The following ABCA12 variants were observed in gnomAD, a reference collection of about 807,000 sequenced individuals.
The protein encoded by ABCA12 is ATP binding cassette subfamily A member 12, also known as glucosylceramide transporter ABCA12.
ABCA12 carries 156 observed loss-of-function variants against 293.5 expected under a neutral mutation model. The ratio of observed to expected loss-of-function variants is 0.53; its 90% confidence interval spans 0.47 to 0.61. The LOEUF (loss-of-function observed/expected upper bound fraction) is 0.61. Ranked by LOEUF, ABCA12 falls within the 20% of genes least tolerant of loss-of-function variation. The pLI is 0.00. For missense variants in ABCA12, 2,797 were observed against 3,090.2 expected (o/e 0.91, Z 2.25); for synonymous variants, 1,063 against 1,108.0 (o/e 0.96, Z 0.81).
At chr2:215,131,699 A>ATCTT (rs1170990427) in intron 1 of ABCA12, among the ~76,000 whole-genome samples, 1 of 38,626 alleles carries the variant, frequency 2.6e-5, no homozygotes, top group African/African-American at 9.9e-5. Context: ...GATCCTTTCT[A>ATCTT]TTGTTTTTTT....
intron 7 of ABCA12, chr2:215,042,200 G>A (rs545142302): frequency 6.6e-5 from 10 of 152,220 alleles, no homozygotes; most frequent in African/African-American, 2.4e-4. Flanking sequence ...TAAGTCAAAT[G>A]TCATTTGCTT....
intron 2 of ABCA12, among the ~76,000 whole-genome samples, chr2:215,064,845 G>A (rs1391550559): frequency 6.6e-6 from 1 of 151,778 alleles, no homozygotes; most frequent in Non-Finnish European, 1.5e-5. Context: ...TATTAACTGT[G>A]TTTTATCACA....
chr2:214,974,210 T>G (rs982089939), intron 35 of ABCA12, among the ~76,000 whole-genome samples, 168 bp from the exon 36 acceptor site: 2 of 152,218 alleles, frequency 1.3e-5, no homozygotes, highest in Non-Finnish European at 2.9e-5. Flanking sequence ...TTCCAAATGA[T>G]TTGACGTTTT....
At position 214,982,188 on chromosome 2, in the gene ABCA12, A is replaced by C. The variant is rs1388051003; in HGVS notation, c.4578T>G (p.Thr1526=). 6.2e-7 allele frequency: 1 copy of C among 1,613,766 alleles called. No homozygotes were observed. Among genetic ancestry groups the C allele is most frequent in the Non-Finnish European group, 8.5e-7 (1 of 1,179,856 alleles). Residue 1526 remains threonine, a splice_region_variant and synonymous_variant, in exon 30 of 53, where the codon ACT becomes ACG. Transcript: ENST00000272895. ...GAAGTTCTGAGAAACTACTCATACC[A>C]GTTTTGTTCTTGGATATAACATCCC... ...SIWDVISKNK[T]ARTIILSTHH...
At chr2:214,948,835 T>A in intron 46 of ABCA12, 98 bp from the exon 47 acceptor site, 1 of 1,462,096 alleles carries the variant, frequency 6.8e-7, no homozygotes, top group Non-Finnish European at 9.5e-7. Context: ...GTCATGGTGG[T>A]CAGTGACTTT....
chr2:215,008,267 T>C (rs969223488), intron 18 of ABCA12, among the ~76,000 whole-genome samples: 2 of 152,190 alleles, frequency 1.3e-5, no homozygotes, highest in African/African-American at 2.4e-5. Context: ...TGACAATGGC[T>C]ATTAAAATAA....
chr2:215,060,597 T>G (rs1701509672), intron 3 of ABCA12, among the ~76,000 whole-genome samples: 1 of 152,050 alleles, frequency 6.6e-6, no homozygotes, highest in Non-Finnish European at 1.5e-5. Context: ...CCCTTTCTTT[T>G]TACGCTGATT....
intron 2 of ABCA12, among the ~76,000 whole-genome samples, chr2:215,106,179 G>A (rs1702460421): frequency 6.6e-6 from 1 of 152,152 alleles, no homozygotes; most frequent in African/African-American, 2.4e-5. Flanking sequence ...ATGCCCCAGA[G>A]GCTCTTTCAA....
intron 23 of ABCA12, among the ~76,000 whole-genome samples, chr2:214,994,163 T>A (rs1199542903): frequency 6.6e-6 from 1 of 152,126 alleles, no homozygotes; most frequent in Admixed American, 6.5e-5. Context: ...CCAGATTCAC[T>A]GCCAACTTTG....
chr2:215,090,269 GC>G (rs573016989), intron 2 of ABCA12, among the ~76,000 whole-genome samples: 268 of 152,222 alleles, frequency 1.8e-3, no homozygotes, highest in African/African-American at 6.2e-3. Flanking sequence ...CTCACACAAA[GC>G]CTGTTTGGTG....
At chr2:215,137,005 A>C (rs931978000) in intron 1 of ABCA12, among the ~76,000 whole-genome samples, 2 of 151,716 alleles carry the variant, frequency 1.3e-5, no homozygotes, top group Non-Finnish European at 2.9e-5. Context: ...AGAATCAACC[A>C]CATGATAATT....
intron 41 of ABCA12, 61 bp from the exon 42 acceptor site, chr2:214,956,839 T>A: frequency 1.0e-5 from 11 of 1,105,110 alleles, no homozygotes; most frequent in Non-Finnish European, 1.4e-5. Context: ...AAAAAAAAAA[T>A]CAATAACCCA....
intron 2 of ABCA12, among the ~76,000 whole-genome samples, chr2:215,102,325 G>A (rs995521315): frequency 1.3e-5 from 2 of 152,286 alleles, no homozygotes; most frequent in South Asian, 2.1e-4. Context: ...TAGGCCTGAC[G>A]CAATGGCGCA....
chr2:215,046,131 A>T, intron 6 of ABCA12, 116 bp from the exon 7 acceptor site: 1 of 1,014,484 alleles, frequency 9.9e-7, no homozygotes, highest in Non-Finnish European at 1.5e-6. Context: ...ATTCTTTTAG[A>T]CCTTCACTCA....
chr2:215,050,646 A>G (rs1343284233), intron 5 of ABCA12: 1 of 283,636 alleles, frequency 3.5e-6, no homozygotes, highest in African/African-American at 2.3e-5. Context: ...TTAAGTGTGT[A>G]TTACAAAACC....
At chr2:215,106,726 G>T (rs1245408366) in intron 2 of ABCA12, among the ~76,000 whole-genome samples, 2 of 140,680 alleles carry the variant, frequency 1.4e-5, no homozygotes, top group Non-Finnish European at 3.0e-5. Flanking sequence ...CATCCCTGAA[G>T]ATAAAGGGTA....
chr2:215,052,922 G>C (rs1701349609), intron 4 of ABCA12, among the ~76,000 whole-genome samples: 1 of 152,034 alleles, frequency 6.6e-6, no homozygotes, highest in South Asian at 2.1e-4. Context: ...AGGATTTGAG[G>C]TGCCTACACT....
intron 2 of ABCA12, among the ~76,000 whole-genome samples, chr2:215,097,430 T>TC (rs1702269300): frequency 6.6e-6 from 1 of 152,202 alleles, no homozygotes; most frequent in African/African-American, 2.4e-5. Flanking sequence ...AATTTGATTA[T>TC]CCATGTTTTT....
intron 3 of ABCA12, among the ~76,000 whole-genome samples, chr2:215,061,056 A>G (rs974322800): frequency 5.3e-5 from 8 of 152,070 alleles, no homozygotes; most frequent in Admixed American, 1.3e-4. Context: ...GCAATGGCAC[A>G]TGGCCAGGGG....
Sources: allele counts gnomAD v4.1 joint callset (sites outside exome capture counted in the v4.1 genomes callset), GRCh38; gene constraint gnomAD v4.1.1; transcripts MANE v1.5; gene names NCBI Gene and HGNC (gene_info 2026-07-23, HGNC 2026-07-21).